Variants in DHX57 observed in about 807,000 individuals in gnomAD.
DHX57 encodes putative ATP-dependent RNA helicase DHX57.
DHX57 carries 105 observed loss-of-function variants against 156.2 expected under a neutral mutation model. That is an observed-to-expected ratio of 0.67 (90% CI 0.57 to 0.79). The LOEUF (loss-of-function observed/expected upper bound fraction) is 0.79. Among genes scored for constraint, DHX57 ranks in the 30% least tolerant of loss-of-function variants. The pLI, the probability that DHX57 is intolerant of heterozygous loss-of-function variation, is 0.00. For missense variants in DHX57, 1,847 were observed against 1,661.9 expected (o/e 1.11, Z -1.94); for synonymous variants, 704 against 595.6 (o/e 1.18, Z -2.65).
intron 12 of DHX57, among the ~76,000 whole-genome samples, chr2:38,842,796 A>G (rs1213250456): frequency 8.5e-5 from 13 of 152,206 alleles, no homozygotes. Context: ...TTCTTTTATA[A>G]TTAGAAAAAA....
chr2:38,806,504 G>A, intron 22 of DHX57, 55 bp downstream of exon 22: 2 of 1,581,392 alleles, frequency 1.3e-6, no homozygotes, highest in African/African-American at 1.3e-5. Flanking sequence ...TTAAGGAATT[G>A]CATTTCCTAC....
intron 5 of DHX57, among the ~76,000 whole-genome samples, chr2:38,860,599 T>C (rs1243420408): frequency 6.6e-6 from 1 of 152,108 alleles, no homozygotes; most frequent in African/African-American, 2.4e-5. Context: ...AGGGTATGGA[T>C]AGTGGTATAG....
intron 6 of DHX57, 42 bp from the exon 7 acceptor site, chr2:38,856,503 C>A: frequency 2.9e-6 from 4 of 1,391,754 alleles, no homozygotes; most frequent in Non-Finnish European, 3.8e-6. Context: ...GTTACTTTTT[C>A]TTTTTTTTTT....
intron 15 of DHX57, 140 bp from the exon 16 acceptor site, chr2:38,826,187 T>C (rs755141754): frequency 4.3e-6 from 4 of 924,980 alleles, no homozygotes; most frequent in Non-Finnish European, 6.3e-6. Flanking sequence ...GTTGAGCCCC[T>C]GGTAGGAGCA....
intron 1 of DHX57, among the ~76,000 whole-genome samples, chr2:38,874,061 T>C (rs1191983994): frequency 6.6e-6 from 1 of 152,112 alleles, no homozygotes; most frequent in Admixed American, 6.6e-5. Context: ...ATGTGGGTTT[T>C]GCATTCCAGG....
Position 38,855,178 on chromosome 2 carries a change from T to C in DHX57, c.1784A>G (p.Asn595Ser). The stretch of plus-strand genomic sequence containing the variant: ...TCGTCGGGGTTGGGTACAGATGATG[T>C]TGGCTACCTTCTCAGGTGGTCCATT... The part of the protein sequence containing the change: ...SLNGPPEKVA[N>S]IICTQPRRIS... The change falls in exon 8 of 24, where the codon AAC becomes AGC. Residue 595 changes from asparagine to serine, a missense_variant. Physicochemically the swap from Asn to Ser is conservative, Grantham distance 46. Coordinates refer to ENST00000457308, the MANE Select transcript of DHX57 (RefSeq NM_198963.3). 3 of 1,614,186 alleles carry C rather than the reference T, an allele frequency of 1.9e-6. No homozygotes were observed. Among genetic ancestry groups the C allele is most frequent in the Non-Finnish European group, 2.5e-6 (3 of 1,180,038 alleles).
chr2:38,830,646 G>A (rs1226300378), intron 13 of DHX57, among the ~76,000 whole-genome samples: 3 of 149,768 alleles, frequency 2.0e-5, no homozygotes, highest in Admixed American at 6.7e-5. Flanking sequence ...AAAAAAAAAA[G>A]AAGGCTACTA....
At chr2:38,848,545 G>T in intron 9 of DHX57, 143 bp from the exon 10 acceptor site, 2 of 792,142 alleles carry the variant, frequency 2.5e-6, no homozygotes, top group South Asian at 2.7e-5. Flanking sequence ...AATATGTCCT[G>T]TTCTTGGATG....
intron 3 of DHX57, 94 bp from the exon 4 acceptor site, chr2:38,862,427 C>T: frequency 8.4e-7 from 1 of 1,196,034 alleles, no homozygotes; most frequent in Non-Finnish European, 1.1e-6. Context: ...TTCATAGGAT[C>T]CTGACTACTC....
At chr2:38,811,193 A>C (rs995893792) in intron 21 of DHX57, 1 of 493,964 alleles carries the variant, frequency 2.0e-6, no homozygotes, top group African/African-American at 2.0e-5. Flanking sequence ...TGCATATTCC[A>C]TCAGATCACT....
intron 13 of DHX57, among the ~76,000 whole-genome samples, chr2:38,831,859 A>C (rs1671401094): frequency 6.6e-6 from 1 of 150,848 alleles, no homozygotes; most frequent in Admixed American, 6.6e-5. Context: ...AAAAAAAAAA[A>C]ATTACAAAAA....
At chr2:38,874,335 C>T (rs1665494520) in intron 1 of DHX57, among the ~76,000 whole-genome samples, 1 of 151,538 alleles carries the variant, frequency 6.6e-6, no homozygotes, top group Non-Finnish European at 1.5e-5. Context: ...AAGCAATCGT[C>T]TCACCTTGGC....
At chr2:38,810,836 T>A (rs1670206957) in intron 21 of DHX57, 2 of 740,772 alleles carry the variant, frequency 2.7e-6, no homozygotes, top group South Asian at 2.7e-5. Flanking sequence ...GTCTTGCAGA[T>A]ACCTCAGGAC....
At chr2:38,867,215 T>C (rs906487255) in intron 2 of DHX57, 2 of 152,246 alleles carry the variant, frequency 1.3e-5, no homozygotes, top group African/African-American at 4.8e-5. Context: ...TTGTAGGTTG[T>C]ACCATCTGGG....
At chr2:38,809,493 G>T (rs1670128364) in intron 21 of DHX57, among the ~76,000 whole-genome samples, 1 of 138,088 alleles carries the variant, frequency 7.2e-6, no homozygotes, top group South Asian at 2.3e-4. Flanking sequence ...ACGGAGTCTT[G>T]CTCTGTCACC....
chr2:38,838,453 A>G (rs1005170516), intron 12 of DHX57, among the ~76,000 whole-genome samples: 6 of 152,140 alleles, frequency 3.9e-5, no homozygotes, highest in Admixed American at 2.6e-4. Flanking sequence ...TTTTGCTTGA[A>G]CAATGACCCA....
chr2:38,849,015 TA>T (rs1672436397), intron 9 of DHX57, among the ~76,000 whole-genome samples: 1 of 152,236 alleles, frequency 6.6e-6, no homozygotes, highest in South Asian at 2.1e-4. Context: ...TTATAATTAT[TA>T]TTTTTTTACT....
intron 21 of DHX57, chr2:38,810,998 T>C: frequency 1.3e-6 from 1 of 771,020 alleles, no homozygotes. Flanking sequence ...CCTTTTTTAC[T>C]CAGTCTTGAA....
At chr2:38,865,473 C>A (rs141779134) in intron 2 of DHX57, among the ~76,000 whole-genome samples, 106 of 152,300 alleles carry the variant, frequency 7.0e-4, no homozygotes, top group African/African-American at 2.3e-3. Flanking sequence ...CCCTGTGGTA[C>A]TGTGAGTCAA....
Sources: gnomAD v4.1 joint callset for allele counts (sites outside exome capture counted in the v4.1 genomes callset) on GRCh38, gnomAD v4.1.1 for gene constraint, MANE v1.5 for transcripts, NCBI Gene and HGNC (gene_info 2026-07-23, HGNC 2026-07-21) for gene names.